FHOD1: variants seen among roughly 807,000 people sequenced by gnomAD.
FHOD1 encodes the protein formin homology 2 domain containing 1.
FHOD1 carries 89 observed loss-of-function variants against 111.6 expected under a neutral mutation model. That is an observed-to-expected ratio of 0.80 (90% CI 0.67 to 0.95). The LOEUF is 0.95. Among genes scored for constraint, FHOD1 ranks in the 40% least tolerant of loss-of-function variants. FHOD1 has a pLI of 0.00. For synonymous variants in FHOD1, 618 were observed against 639.0 expected (o/e 0.97, Z 0.50); for missense variants, 1,446 against 1,554.2 (o/e 0.93, Z 1.17).
In FHOD1 at chr16:67,231,863, C is replaced by G. The variant is rs1198580578; in HGVS notation, c.2203-44G>C. ...CCTGACATGGCCCCCTCAATGCAGG[C>G]CTGAGGCCTGAGGCATTGGTCTTGA... On this transcript the variant is annotated intron_variant, in intron 14 of 21. Transcript: ENST00000258201. This position sits in a 1 kb window ranked among gnomAD's most constrained non-coding sequence, Gnocchi z 4.3. 2 of 1,581,770 alleles carry G rather than the reference C, an allele frequency of 1.3e-6. No homozygotes were observed. Among genetic ancestry groups the G allele is most frequent in the Non-Finnish European group, 1.7e-6 (2 of 1,160,984 alleles).
chr16:67,235,960 G>C, intron 11 of FHOD1: 1 of 838,002 alleles, frequency 1.2e-6, no homozygotes, highest in Non-Finnish European at 1.4e-6. Context: ...GCTGGGGGAA[G>C]CAATGCTGAA....
Position 67,230,393 on chromosome 16 carries a change from C to T in FHOD1, c.2972G>A (p.Arg991Gln), listed in dbSNP as rs779295641. Residue 991 changes from arginine (R) to glutamine (Q), a missense_variant, in exon 19 of 22, where the codon CGG becomes CAG. Physicochemically the swap from Arg to Gln is conservative, Grantham distance 43 (BLOSUM62 1). Transcript: ENST00000258201. ...REFALEYRTC[R>Q]ERVLQQQQKQ... Reference sequence around the variant, plus strand: ...CTGCTGCTGCTGTAGCACTCGTTCCCGGCAAGTCCGATACTCAAGCGCAAA... The same window carrying T: ...CTGCTGCTGCTGTAGCACTCGTTCCTGGCAAGTCCGATACTCAAGCGCAAA... The T allele has an allele frequency of 5.0e-6, 8 of 1,614,230 alleles. No homozygotes were observed. Among genetic ancestry groups the T allele is most frequent in the South Asian group, 2.2e-5 (2 of 91,084 alleles).
intron 11 of FHOD1, among the ~76,000 whole-genome samples, chr16:67,235,253 G>C (rs1414134898): frequency 2.0e-5 from 3 of 152,210 alleles, no homozygotes; most frequent in Non-Finnish European, 4.4e-5. Context: ...AAACAGGCCA[G>C]GTGCGGTGGC....
intron 1 of FHOD1, among the ~76,000 whole-genome samples, chr16:67,243,051 G>C (rs1422145712): frequency 1.3e-5 from 2 of 151,360 alleles, no homozygotes; most frequent in Non-Finnish European, 2.9e-5. Context: ...TGTTTCTTTA[G>C]ACTGTCTTAC....
Position 67,236,737 on chromosome 16 carries a change from A to AAAGCAGGGGCTGT in FHOD1, c.1143-17_1143-5dup. 6.5e-7 allele frequency: 1 copy of AAAGCAGGGGCTGT among 1,529,894 alleles called. No individual in the cohort carries two copies. Among genetic ancestry groups the AAAGCAGGGGCTGT allele is most frequent in the East Asian group, 2.4e-5 (1 of 41,394 alleles). 94.8% of individuals were successfully genotyped at this position (1,529,894 alleles called of 1,614,324 possible). ...CGGTGAGGCGGGGCCTGTGGGGCTG[A>AAAGCAGGGGCTGT]AAGCAGGGGCTGTCAGTGGGGCGGG... is the stretch of plus-strand genomic sequence containing the variant. On this transcript the variant is annotated splice_region_variant and splice_polypyrimidine_tract_variant and intron_variant, in intron 10 of 21. Coordinates refer to ENST00000258201, the MANE Select transcript of FHOD1 (RefSeq NM_013241.3).
In FHOD1 at chr16:67,230,104, C is replaced by T. The variant is rs1273744400; in HGVS notation, c.3176G>A (p.Ser1059Asn). The T allele has an allele frequency of 1.2e-5, 19 of 1,614,078 alleles. No homozygotes were observed. The highest frequency in any genetic ancestry group is 1.5e-5 in the Non-Finnish European group (18 of 1,180,034). ...ATTGTGTGTGGTGTCCTCAGGCCTG[C>T]TGGTCAGCAGACTCTTCATACTAGC... Reference protein sequence around the residue: ...SHASMKSLLTSRPEDTTHNRR... With the variant: ...SHASMKSLLTNRPEDTTHNRR... Residue 1059 changes from serine (S) to asparagine (N), a missense_variant, in exon 20 of 22, where the codon AGC (serine) becomes AAC (asparagine). Transcript: ENST00000258201.
At chr16:67,236,424 T>G in intron 11 of FHOD1, 133 bp downstream of exon 11, 2 of 1,478,976 alleles carry the variant, frequency 1.4e-6, no homozygotes, top group East Asian at 2.5e-5. Context: ...ACGGAAGCAG[T>G]TTGGTGAAGT....
rs745657573 is a variant in FHOD1, at chr16:67,231,424, A to T, written c.2505+6T>A. The T allele has an allele frequency of 3.3e-5, 54 of 1,613,154 alleles. No individual in the cohort carries two copies. Among genetic ancestry groups the T allele is most frequent in the Non-Finnish European group, 4.5e-5 (53 of 1,179,416 alleles). On this transcript the variant is annotated splice_donor_region_variant and intron_variant, in intron 16 of 21. Coordinates refer to ENST00000258201, the MANE Select transcript of FHOD1 (RefSeq NM_013241.3). This position sits in a 1 kb window ranked among gnomAD's most constrained non-coding sequence, Gnocchi z 4.3. The stretch of plus-strand genomic sequence containing the variant: ...CTCCCCCTAGTCCCCATGTACTCTC[A>T]CTCACCTGGGAGCCATTGAGGAAGT...
intron 17 of FHOD1, 46 bp from the exon 18 acceptor site, chr16:67,230,837 G>A: frequency 6.5e-7 from 1 of 1,529,942 alleles, no homozygotes. Context: ...ACACCCTGTA[G>A]ACAAGACATG....
chr16:67,240,134 C>T (rs556847240), intron 1 of FHOD1, among the ~76,000 whole-genome samples: 1 of 152,294 alleles, frequency 6.6e-6, no homozygotes, highest in African/African-American at 2.4e-5. Context: ...ATAGACTTCC[C>T]AGTCCCACCA....
Position 67,237,694 on chromosome 16 carries a change from C to T in FHOD1, c.717G>A (p.Leu239=), listed in dbSNP as rs748362051. ...FVEYSENNAP[L]FIRAVNSVAS... ...CCACAGAGTTCACTGCACGGATGAA[C>T]AGCGGTGCGTTGTTTTCGGAGTATT... Residue 239 remains leucine (L), a synonymous_variant, in exon 7 of 22, where the codon CTG becomes CTA. Transcript: ENST00000258201. This position sits in a 1 kb window ranked among gnomAD's most constrained non-coding sequence, Gnocchi z 5.6. 6.2e-7 allele frequency: 1 copy of T among 1,614,164 alleles called. No homozygotes were observed. Among genetic ancestry groups the T allele is most frequent in the Non-Finnish European group, 8.5e-7 (1 of 1,180,032 alleles).
Position 67,247,088 on chromosome 16 carries a change from C to T in FHOD1, c.201+122G>A, listed in dbSNP as rs1025937706. On this transcript the variant is annotated intron_variant, in intron 1 of 21. Coordinates refer to ENST00000258201, the MANE Select transcript of FHOD1 (RefSeq NM_013241.3). ...GGCAGAGTGGACCCTGGGACCCCAG[C>T]CCAAGACTTTTCCGGAGAAGAACAC... The T allele has an allele frequency of 5.0e-6, 6 of 1,206,328 alleles. No individual in the cohort carries two copies. In the African/African-American group the frequency reaches 7.8e-5, roughly 16 times the overall value. 74.7% of individuals were successfully genotyped at this position (1,206,328 alleles called of 1,614,324 possible). A position where few individuals can be genotyped will look rare whatever the true frequency, so the allele number is the denominator to read the frequency against.
chr16:67,240,653 T>G (rs898088912), intron 1 of FHOD1, among the ~76,000 whole-genome samples: 2 of 152,098 alleles, frequency 1.3e-5, no homozygotes, highest in Admixed American at 1.3e-4. Context: ...CCCCGGGCTC[T>G]CCTCCCCCGC....
In FHOD1 at chr16:67,231,543, C is replaced by T; in HGVS notation, c.2392G>A (p.Ala798Thr). The T allele has an allele frequency of 1.2e-6, 2 of 1,614,152 alleles. No homozygotes were observed. The highest frequency in any genetic ancestry group is 1.7e-6 in the Non-Finnish European group (2 of 1,180,028). Reference sequence around the variant, plus strand: ...ACTTTCAGGTCAAACAGTGGCTCAGCAATTTCCTGGTATGGGAGACCAGGG... The same window carrying T: ...ACTTTCAGGTCAAACAGTGGCTCAGTAATTTCCTGGTATGGGAGACCAGGG... ...LDYDSMEREI[A>T]EPLFDLKVGM... Residue 798 changes from alanine to threonine, a missense_variant, in exon 16 of 22, where the codon GCT becomes ACT. Ala to Thr is a moderately conservative substitution (Grantham distance 58, BLOSUM62 0). Around this residue, in one of 3 missense-constraint regions of FHOD1, gnomAD observed 1,085 missense variants for 1,108.8 expected, o/e 0.98. Coordinates refer to ENST00000258201, the MANE Select transcript of FHOD1 (RefSeq NM_013241.3). The surrounding 1 kb of genome is among the most constrained non-coding windows in gnomAD (Gnocchi z 4.3).
chr16:67,239,267 A>T, intron 2 of FHOD1, 81 bp downstream of exon 2: 1 of 1,093,652 alleles, frequency 9.1e-7, no homozygotes, highest in Non-Finnish European at 1.4e-6. Context: ...CTAGTGATCG[A>T]GTGTCTCAGC....
At position 67,234,286 on chromosome 16, in the gene FHOD1, C is replaced by T. The variant is rs1256763276; in HGVS notation, c.1436-19G>A. ...CGGGCATCTAAAGAAAGGGAAGGAG[C>T]TGTCAGTGCCATGCCCCCTGTGGGG... On this transcript the variant is annotated intron_variant, in intron 12 of 21. Coordinates refer to ENST00000258201, the MANE Select transcript of FHOD1 (RefSeq NM_013241.3). 2.5e-6 allele frequency: 4 copies of T among 1,582,958 alleles called. No homozygotes were observed. Among genetic ancestry groups the T allele is most frequent in the African/African-American group, 1.4e-5 (1 of 74,034 alleles).
intron 1 of FHOD1, among the ~76,000 whole-genome samples, chr16:67,244,441 C>T (rs1176568773): frequency 6.6e-5 from 10 of 152,204 alleles, no homozygotes; most frequent in Middle Eastern, 6.8e-3. Flanking sequence ...ACACTAGGCC[C>T]GGCCCAAGAC....
intron 1 of FHOD1, 134 bp downstream of exon 1, chr16:67,247,076 C>T (rs2034879449): frequency 9.3e-7 from 1 of 1,076,168 alleles, no homozygotes; most frequent in Admixed American, 3.0e-5. Context: ...AGAGTGGACC[C>T]TGGGACCCCA....
intron 2 of FHOD1, 51 bp downstream of exon 2, chr16:67,239,297 C>A: frequency 7.1e-7 from 1 of 1,411,490 alleles, no homozygotes; most frequent in South Asian, 1.1e-5. Context: ...TTGAGCTAGC[C>A]CCTGGCAAGG....
Sources: gnomAD v4.1 joint callset for allele counts (sites outside exome capture counted in the v4.1 genomes callset) on GRCh38, gnomAD v4.1.1 for gene constraint, gnomAD v4.1.1 regional missense constraint, Gnocchi (gnomAD v3.1) non-coding constraint, MANE v1.5 for transcripts, NCBI Gene and HGNC (gene_info 2026-07-23, HGNC 2026-07-21) for gene names.